The following DAB1 variants were observed in gnomAD, a reference collection of about 807,000 sequenced individuals.
The protein encoded by DAB1 is DAB adaptor protein 1.
Under a neutral mutation model 64.6 loss-of-function variants are expected in DAB1, and 15 were observed. The observed-to-expected ratio is 0.23, with a 90% CI of 0.16 to 0.36. The LOEUF (loss-of-function observed/expected upper bound fraction) is 0.36, where lower values mean the gene tolerates loss of function less well. Ranked by LOEUF, DAB1 falls within the 10% of genes least tolerant of loss-of-function variation. The pLI, the probability that DAB1 is intolerant of heterozygous loss-of-function variation, is 1.00. For synonymous variants in DAB1, 235 were observed against 251.9 expected, an observed-to-expected ratio of 0.93 and a Z score of 0.64; for missense variants, 596 against 706.7, an observed-to-expected ratio of 0.84 and a Z score of 1.78.
At chr1:57,957,136 A>T (rs1645410484) in intron 5 of DAB1, among the ~76,000 whole-genome samples, 1 of 152,192 alleles carries the variant, frequency 6.6e-6, no homozygotes, top group Non-Finnish European at 1.5e-5. Context: ...TGTTCAGGAA[A>T]ATGTGTGAAG....
chr1:58,228,909 G>A (rs907206216), intron 4 of DAB1: 1 of 516,430 alleles, frequency 1.9e-6, no homozygotes, highest in African/African-American at 1.9e-5. Flanking sequence ...CAGCTGTAGT[G>A]TGTAGAAAAT....
intron 5 of DAB1, among the ~76,000 whole-genome samples, chr1:58,089,723 T>C (rs1650527864): frequency 1.3e-5 from 2 of 152,148 alleles, no homozygotes; most frequent in South Asian, 2.1e-4. Context: ...TTAGTATTTA[T>C]GAAACTGAAA....
intron 6 of DAB1, among the ~76,000 whole-genome samples, chr1:57,813,831 A>C: frequency 6.6e-6 from 1 of 152,216 alleles, no homozygotes; most frequent in East Asian, 1.9e-4. Flanking sequence ...TAATTCATAG[A>C]CTGTTTAGGT....
chr1:58,530,942 A>G (rs549242153), intron 1 of DAB1, among the ~76,000 whole-genome samples: 2 of 152,234 alleles, frequency 1.3e-5, no homozygotes, highest in Admixed American at 6.5e-5. Context: ...ACTAGTATCT[A>G]CTAAGCCACT....
chr1:57,978,145 A>T (rs1455688592), intron 5 of DAB1, among the ~76,000 whole-genome samples: 1 of 152,196 alleles, frequency 6.6e-6, no homozygotes, highest in Non-Finnish European at 1.5e-5. Context: ...TGGAGGCATT[A>T]TGCTACCTGA....
intron 2 of DAB1, among the ~76,000 whole-genome samples, chr1:57,175,719 A>C (rs900910299): frequency 5.3e-5 from 8 of 152,194 alleles, no homozygotes; most frequent in Admixed American, 3.9e-4. Context: ...CTCTGGTACA[A>C]ATTCCAGATG....
chr1:58,263,840 C>T (rs985239239), intron 4 of DAB1, among the ~76,000 whole-genome samples: 2 of 152,184 alleles, frequency 1.3e-5, no homozygotes, highest in African/African-American at 4.8e-5. Flanking sequence ...GTGTTATTTT[C>T]TATCCCTTAT....
chr1:57,522,029 G>C (rs1373809464), intron 7 of DAB1, among the ~76,000 whole-genome samples: 1 of 152,086 alleles, frequency 6.6e-6, no homozygotes, highest in Non-Finnish European at 1.5e-5. Context: ...AGAATCGCTT[G>C]AACCCAGGTG....
intron 9 of DAB1, among the ~76,000 whole-genome samples, chr1:57,043,381 C>T (rs139435545): frequency 1.6e-4 from 25 of 152,310 alleles, no homozygotes; most frequent in African/African-American, 6.0e-4. Context: ...CTCTCCCACA[C>T]TTTGACATGT....
At chr1:58,063,872 C>T (rs1300321361) in intron 5 of DAB1, among the ~76,000 whole-genome samples, 1 of 152,206 alleles carries the variant, frequency 6.6e-6, no homozygotes, top group African/African-American at 2.4e-5. Context: ...GAACCCTTAA[C>T]ACCTTTAACA....
chr1:58,397,990 C>CCACACCA (rs748423121), intron 3 of DAB1, among the ~76,000 whole-genome samples: 1 of 152,146 alleles, frequency 6.6e-6, no homozygotes, highest in Non-Finnish European at 1.5e-5. Flanking sequence ...TGTCTTCATC[C>CCACACCA]CACACCCTTG....
At chr1:57,196,253 G>A (rs1301359402) in intron 2 of DAB1, among the ~76,000 whole-genome samples, 2 of 152,130 alleles carry the variant, frequency 1.3e-5, no homozygotes, top group African/African-American at 4.8e-5. Flanking sequence ...AGGATTTCTG[G>A]CACATGAGCA....
At chr1:57,074,348 G>C (rs1651791277) in intron 4 of DAB1, among the ~76,000 whole-genome samples, 1 of 152,262 alleles carries the variant, frequency 6.6e-6, no homozygotes, top group East Asian at 1.9e-4. Flanking sequence ...GAGGGAGAGA[G>C]AAAATTATGA....
intron 5 of DAB1, among the ~76,000 whole-genome samples, chr1:57,987,264 C>T (rs1646241189): frequency 6.6e-6 from 1 of 152,190 alleles, no homozygotes; most frequent in Non-Finnish European, 1.5e-5. Flanking sequence ...GACAATTCTT[C>T]CCAGCCACAT....
intron 4 of DAB1, 131 bp downstream of exon 4, chr1:57,136,412 T>A: frequency 2.2e-6 from 1 of 450,994 alleles, no homozygotes; most frequent in South Asian, 6.0e-5. Context: ...ATGATCAGAG[T>A]TGATCAAGTT....
rs373699556 is a variant in DAB1, at chr1:57,232,464, C to T, written c.67+58500G>A. 5.1e-4 allele frequency among the ~76,000 whole-genome samples: 78 copies of T among 151,996 alleles called. 1 individual carries two copies. The South Asian group carries it at 0.014, about 27-fold the overall frequency. On this transcript the variant is annotated intron_variant, in intron 2 of 14. Transcript: ENST00000371236. The stretch of plus-strand genomic sequence containing the variant: ...ACCTGAAGGATATTCTGCTAGACAA[C>T]GGGAATACAAAAATGAGCAAGAGAG...
chr1:57,962,495 G>A (rs1457404588), intron 5 of DAB1, among the ~76,000 whole-genome samples: 3 of 151,980 alleles, frequency 2.0e-5, no homozygotes, highest in Non-Finnish European at 4.4e-5. Flanking sequence ...GACATGATTT[G>A]ATTCAACAGC....
intron 7 of DAB1, among the ~76,000 whole-genome samples, chr1:57,437,885 T>C (rs969174342): frequency 1.3e-5 from 2 of 152,242 alleles, no homozygotes; most frequent in Non-Finnish European, 2.9e-5. Context: ...CATGGTTTCA[T>C]GGCAAGACTC....
chr1:57,026,914 A>T (rs1646807622), intron 9 of DAB1, among the ~76,000 whole-genome samples: 1 of 152,216 alleles, frequency 6.6e-6, no homozygotes, highest in Non-Finnish European at 1.5e-5. Flanking sequence ...GGCGTGACTT[A>T]ATTATGACAA....
Sources: gnomAD v4.1 joint callset for allele counts (sites outside exome capture counted in the v4.1 genomes callset) on GRCh38, gnomAD v4.1.1 for gene constraint, MANE v1.5 for transcripts, NCBI Gene and HGNC (gene_info 2026-07-23, HGNC 2026-07-21) for gene names.